SPMIP4: variants seen among roughly 807,000 people sequenced by gnomAD.
SPMIP4 encodes the protein sperm microtubule inner protein 4, also known as sperm-associated microtubule inner protein 4.
At chr7:25,134,702 G>A in the SPMIP4 span, 2 of 985,438 alleles carry the variant, frequency 2.0e-6, no homozygotes, top group South Asian at 4.7e-5. Context: ...TTTTTATACT[G>A]GAGAGTTACA....
the SPMIP4 span, among the ~76,000 whole-genome samples, chr7:25,164,258 A>G: frequency 6.6e-6 from 1 of 152,264 alleles, no homozygotes. Flanking sequence ...GTCAAGGGAG[A>G]AATGCTTCCA....
the SPMIP4 span, among the ~76,000 whole-genome samples, chr7:25,170,310 T>G: frequency 1.3e-5 from 2 of 152,222 alleles, no homozygotes; most frequent in African/African-American, 2.4e-5. Flanking sequence ...TGTTGAGCAT[T>G]TTTTTCCATG....
At chr7:25,158,242 C>A in the SPMIP4 span, among the ~76,000 whole-genome samples, 1 of 151,680 alleles carries the variant, frequency 6.6e-6, no homozygotes, top group Admixed American at 6.6e-5. Flanking sequence ...GTGGTGCACA[C>A]CTGTAGTCCC....
the SPMIP4 span, among the ~76,000 whole-genome samples, chr7:25,128,225 C>T: frequency 2.6e-5 from 4 of 152,186 alleles, no homozygotes; most frequent in South Asian, 6.2e-4. The surrounding 1 kb of genome is among the most constrained non-coding windows in gnomAD (Gnocchi z 4.5). Flanking sequence ...CTTATGTTTC[C>T]TCAAGGCCTG....
At chr7:25,167,973 A>G in the SPMIP4 span, among the ~76,000 whole-genome samples, 1 of 152,178 alleles carries the variant, frequency 6.6e-6, no homozygotes, top group African/African-American at 2.4e-5. Flanking sequence ...AAAAACCAAG[A>G]GCATCTGTAC....
the SPMIP4 span, chr7:25,142,927 G>T: frequency 4.1e-5 from 26 of 632,140 alleles, no homozygotes; most frequent in African/African-American, 8.0e-5. Context: ...CGTCAGAATG[G>T]TTTTTTTTTT....
At chr7:25,179,147 T>G in the SPMIP4 span, 1 of 1,575,094 alleles carries the variant, frequency 6.3e-7, no homozygotes, top group Non-Finnish European at 8.6e-7. Context: ...TGCTTTTTCT[T>G]GTTTGCTTTT....
At chr7:25,178,023 A>T in the SPMIP4 span, among the ~76,000 whole-genome samples, 1 of 152,236 alleles carries the variant, frequency 6.6e-6, no homozygotes, top group Admixed American at 6.5e-5. Flanking sequence ...TGTGTACTCA[A>T]TGTTTAGCTC....
chr7:25,176,590 T>A, the SPMIP4 span, among the ~76,000 whole-genome samples: 1 of 152,236 alleles, frequency 6.6e-6, no homozygotes, highest in Admixed American at 6.5e-5. This position sits in a 1 kb window ranked among gnomAD's most constrained non-coding sequence, Gnocchi z 4.4. Flanking sequence ...AGCAATTGAT[T>A]TAAAAAATGT....
chr7:25,152,637 T>G, the SPMIP4 span, among the ~76,000 whole-genome samples: 1 of 152,108 alleles, frequency 6.6e-6, no homozygotes, highest in Non-Finnish European at 1.5e-5. Flanking sequence ...GAGTCTGCAC[T>G]CTTAACTTCC....
At chr7:25,178,325 A>G in the SPMIP4 span, among the ~76,000 whole-genome samples, 1 of 152,244 alleles carries the variant, frequency 6.6e-6, no homozygotes. Context: ...AGAACAACTT[A>G]TAAGAACAAC....
the SPMIP4 span, among the ~76,000 whole-genome samples, chr7:25,126,175 C>A: frequency 6.6e-6 from 1 of 152,080 alleles, no homozygotes; most frequent in Non-Finnish European, 1.5e-5. Flanking sequence ...TTTTCTGTTA[C>A]AAGCAATCCA....
chr7:25,126,297 C>G, the SPMIP4 span, among the ~76,000 whole-genome samples: 1 of 152,082 alleles, frequency 6.6e-6, no homozygotes, highest in African/African-American at 2.4e-5. Flanking sequence ...AATGTCTCAG[C>G]CCCCCAAGTA....
the SPMIP4 span, chr7:25,136,319 T>A: frequency 5.6e-6 from 9 of 1,614,214 alleles, no homozygotes; most frequent in Non-Finnish European, 2.5e-6. The surrounding 1 kb of genome is among the most constrained non-coding windows in gnomAD (Gnocchi z 5.7). Flanking sequence ...GGACACATAT[T>A]ATACTGATCA....
At chr7:25,133,413 A>G in the SPMIP4 span, among the ~76,000 whole-genome samples, 1 of 152,200 alleles carries the variant, frequency 6.6e-6, no homozygotes, top group Non-Finnish European at 1.5e-5. Flanking sequence ...AATTTGTTCA[A>G]CCATCTCTAA....
the SPMIP4 span, among the ~76,000 whole-genome samples, chr7:25,148,128 G>T: frequency 3.9e-5 from 6 of 152,210 alleles, no homozygotes; most frequent in African/African-American, 1.4e-4. Context: ...CAAGTTACAA[G>T]TCCTTGAAAA....
the SPMIP4 span, among the ~76,000 whole-genome samples, chr7:25,147,893 A>G: frequency 2.6e-5 from 4 of 152,174 alleles, no homozygotes; most frequent in African/African-American, 9.7e-5. Context: ...CTAGGTATTG[A>G]AGGATTAAGT....
chr7:25,143,069 G>A, the SPMIP4 span, among the ~76,000 whole-genome samples: 5 of 152,158 alleles, frequency 3.3e-5, no homozygotes, highest in African/African-American at 1.2e-4. Context: ...TTGATAATGT[G>A]TATTGGAGAA....
At chr7:25,147,268 T>A in the SPMIP4 span, among the ~76,000 whole-genome samples, 91,411 of 152,136 alleles carry the variant, frequency 0.6, 28,577 homozygotes, top group Non-Finnish European at 0.69. Flanking sequence ...CACTTCAGCC[T>A]GGGTGACAGA....
Sources: gnomAD v4.1 joint callset for allele counts (sites outside exome capture counted in the v4.1 genomes callset) on GRCh38, gnomAD v4.1.1 for gene constraint, Gnocchi (gnomAD v3.1) non-coding constraint, MANE v1.5 for transcripts, NCBI Gene and HGNC (gene_info 2026-07-23, HGNC 2026-07-21) for gene names.